Variants in TNFSF10 observed in about 807,000 individuals in gnomAD.
The protein encoded by TNFSF10 is tumor necrosis factor ligand superfamily member 10.
Under a neutral mutation model 29.5 loss-of-function variants are expected in TNFSF10, and 13 were observed. The ratio of observed to expected loss-of-function variants is 0.44; its 90% CI spans 0.29 to 0.70. The LOEUF (loss-of-function observed/expected upper bound fraction) is 0.70. Ranked by LOEUF, TNFSF10 falls within the 30% of genes least tolerant of loss-of-function variation. The pLI, the probability that TNFSF10 is intolerant of heterozygous loss-of-function variation, is 0.13. For missense variants in TNFSF10, 345 were observed against 330.9 expected (o/e 1.04, Z -0.33); for synonymous variants, 111 against 112.8 (o/e 0.98, Z 0.10).
At chr3:172,515,096 A>G (rs1713377273) in intron 1 of TNFSF10, 98 bp from the exon 2 acceptor site, 1 of 1,555,240 alleles carries the variant, frequency 6.4e-7, no homozygotes, top group African/African-American at 1.4e-5. Flanking sequence ...GCAGACTTAA[A>G]GAAGTTTTGG....
chr3:172,512,750 G>A (rs1332205417), intron 2 of TNFSF10, among the ~76,000 whole-genome samples: 1 of 152,124 alleles, frequency 6.6e-6, no homozygotes. Context: ...GGAAAGAAGG[G>A]GAAGCAACAG....
At chr3:172,510,783 A>C (rs1333584463) in intron 3 of TNFSF10, among the ~76,000 whole-genome samples, 1 of 152,142 alleles carries the variant, frequency 6.6e-6, no homozygotes, top group Non-Finnish European at 1.5e-5. Flanking sequence ...CTTAGACCCC[A>C]GGAACAGGTC....
chr3:172,508,303 CAA>C (rs10716802), intron 4 of TNFSF10, among the ~76,000 whole-genome samples: 1 of 149,624 alleles, frequency 6.7e-6, no homozygotes, highest in African/African-American at 2.5e-5. Flanking sequence ...CTCAAAAAAA[CAA>C]AAAAAAAACA....
intron 1 of TNFSF10, chr3:172,517,666 G>A (rs977008429): frequency 4.1e-6 from 4 of 985,350 alleles, no homozygotes; most frequent in Middle Eastern, 5.2e-4. Context: ...GCATAATTTT[G>A]AGTATGGTTG....
At chr3:172,516,986 C>T (rs866373496) in intron 1 of TNFSF10, among the ~76,000 whole-genome samples, 13 of 152,340 alleles carry the variant, frequency 8.5e-5, no homozygotes, top group Non-Finnish European at 1.2e-4. Context: ...GGCCAAGCTT[C>T]GGTTTGATTA....
At chr3:172,520,792 A>C (rs1713657467) in intron 1 of TNFSF10, among the ~76,000 whole-genome samples, 1 of 152,202 alleles carries the variant, frequency 6.6e-6, no homozygotes, top group South Asian at 2.1e-4. Flanking sequence ...CCAACCTGCA[A>C]CAACAAAGCA....
intron 1 of TNFSF10, 89 bp from the exon 2 acceptor site, chr3:172,515,087 C>A: frequency 6.4e-7 from 1 of 1,569,678 alleles, no homozygotes. Flanking sequence ...AAACTGATAG[C>A]AGACTTAAAG....
chr3:172,519,993 G>A (rs1056090937), intron 1 of TNFSF10, among the ~76,000 whole-genome samples: 7 of 152,154 alleles, frequency 4.6e-5, no homozygotes, highest in East Asian at 1.9e-4. Context: ...GCCGCCCCAC[G>A]GCCAGCCTCC....
intron 3 of TNFSF10, among the ~76,000 whole-genome samples, chr3:172,509,643 A>G (rs1713135470): frequency 6.6e-6 from 1 of 152,242 alleles, no homozygotes; most frequent in Admixed American, 6.5e-5. Context: ...ATATAAATAA[A>G]GAAATAGCTG....
intron 2 of TNFSF10, among the ~76,000 whole-genome samples, chr3:172,514,000 TG>T (rs1268780142): frequency 3.3e-5 from 5 of 152,006 alleles, no homozygotes; most frequent in African/African-American, 9.7e-5. Context: ...CACCACACTT[TG>T]CTAATTTTTG....
chr3:172,517,072 C>T (rs1251601378), intron 1 of TNFSF10, among the ~76,000 whole-genome samples: 3 of 152,180 alleles, frequency 2.0e-5, no homozygotes, highest in Non-Finnish European at 2.9e-5. Flanking sequence ...AAGGAGGGAG[C>T]GGTATGCCTT....
intron 2 of TNFSF10, among the ~76,000 whole-genome samples, chr3:172,513,671 C>T (rs898083205): frequency 3.9e-5 from 6 of 152,150 alleles, no homozygotes; most frequent in Non-Finnish European, 5.9e-5. Flanking sequence ...TGCAGAACAC[C>T]AAACAATGGA....
chr3:172,516,177 T>C (rs1301759673), intron 1 of TNFSF10, among the ~76,000 whole-genome samples: 2 of 150,524 alleles, frequency 1.3e-5, no homozygotes, highest in African/African-American at 4.9e-5. Context: ...GGCAGGATAA[T>C]GGTGTGAACC....
rs1713495122 is a variant in TNFSF10 at position 172,517,743 on chromosome 3, C to T, written c.133-2745G>A. The T allele has an allele frequency of 8.1e-6, 8 of 984,022 alleles. No individual in the cohort carries two copies. In the South Asian group the frequency reaches 2.4e-4, roughly 29 times the overall value. 61.0% of individuals were successfully genotyped at this position (984,022 alleles called of 1,614,324 possible). On this transcript the variant is annotated intron_variant, in intron 1 of 4. Transcript: ENST00000241261. ...CTGTATGAAAATTATACATGGATAG[C>T]ATGGATATTTTTATAACATTCCCTG...
intron 4 of TNFSF10, among the ~76,000 whole-genome samples, chr3:172,508,542 G>A (rs1364516142): frequency 1.3e-5 from 2 of 152,100 alleles, no homozygotes; most frequent in Non-Finnish European, 2.9e-5. Context: ...TAAAGAGAAG[G>A]GAGATTTGAT....
rs763967048 is a variant in TNFSF10 at position 172,514,928 on chromosome 3, T to C, written c.203A>G (p.Asn68Ser). Residue 68 changes from asparagine (N) to serine (S), a missense_variant, in exon 2 of 5, where the codon AAT (asparagine) becomes AGT (serine). Asn to Ser is a conservative substitution (Grantham distance 46). Transcript: ENST00000241261. ...LKEDDSYWDP[N>S]DEESMNSPCW... ...GGGGCTGTTCATACTCTCTTCGTCA[T>C]TGGGGTCCCAATAACTGTCATCTTC... 13 of 1,614,080 alleles carry C rather than the reference T, an allele frequency of 8.1e-6. No individual in the cohort carries two copies. Among genetic ancestry groups the C allele is most frequent in the East Asian group, 4.5e-5 (2 of 44,900 alleles).
chr3:172,509,835 T>C (rs1474639148), intron 3 of TNFSF10, among the ~76,000 whole-genome samples: 2 of 151,940 alleles, frequency 1.3e-5, no homozygotes, highest in South Asian at 2.1e-4. Flanking sequence ...AAAAATTAGC[T>C]GGGCATGGTG....
intron 1 of TNFSF10, chr3:172,518,236 C>T: frequency 8.8e-7 from 1 of 1,138,512 alleles, no homozygotes; most frequent in Non-Finnish European, 1.1e-6. Context: ...AAAGCTCTTG[C>T]ACTGGGTGCC....
intron 4 of TNFSF10, among the ~76,000 whole-genome samples, chr3:172,507,972 G>T (rs1433952126): frequency 6.6e-6 from 1 of 152,182 alleles, no homozygotes; most frequent in Non-Finnish European, 1.5e-5. Flanking sequence ...AGCTTGACTA[G>T]GTTAAGTAAT....
Sources: allele counts gnomAD v4.1 joint callset (sites outside exome capture counted in the v4.1 genomes callset), GRCh38; gene constraint gnomAD v4.1.1; transcripts MANE v1.5; gene names NCBI Gene and HGNC (gene_info 2026-07-23, HGNC 2026-07-21).